The following NECTIN1 variants were observed in gnomAD, a reference collection of about 807,000 sequenced individuals.
The protein encoded by NECTIN1 is nectin cell adhesion molecule 1.
Under a neutral mutation model 48.0 loss-of-function variants are expected in NECTIN1, and 23 were observed. The ratio of observed to expected loss-of-function variants is 0.48; its 90% CI spans 0.34 to 0.68. The LOEUF is 0.68. NECTIN1 is among the 30% of genes least tolerant of loss of function. The pLI is 0.01. For missense variants in NECTIN1, 591 were observed against 709.9 expected, an observed-to-expected ratio of 0.83 and a Z score of 1.90; for synonymous variants, 270 against 288.9, an observed-to-expected ratio of 0.93 and a Z score of 0.66.
chr11:119,713,309 TC>T, intron 1 of NECTIN1, among the ~76,000 whole-genome samples: 1 of 152,070 alleles, frequency 6.6e-6, no homozygotes, highest in Admixed American at 6.5e-5. Flanking sequence ...TGTGGGGGCT[TC>T]TTTTCTGAGG....
At chr11:119,682,182 G>A (rs1001933924) in intron 1 of NECTIN1, among the ~76,000 whole-genome samples, 2 of 152,148 alleles carry the variant, frequency 1.3e-5, no homozygotes, top group Non-Finnish European at 2.9e-5. Context: ...GTTTTCAGAC[G>A]GGAGCAGAGT....
rs1161614898 is a variant in NECTIN1, at chr11:119,678,337, T to C, written c.430+78A>G. Reference sequence around the variant, plus strand: ...CACCCAAGGGGGATGTCTGGGGTCATTGAGGCATCCTGAGGATGGCCACGC... The same window carrying C: ...CACCCAAGGGGGATGTCTGGGGTCACTGAGGCATCCTGAGGATGGCCACGC... On this transcript the variant is annotated intron_variant, in intron 2 of 5. Transcript: ENST00000264025. The surrounding 1 kb of genome is among the most constrained non-coding windows in gnomAD (Gnocchi z 4.4). 12 of 1,332,312 alleles carry C rather than the reference T, an allele frequency of 9.0e-6. No homozygotes were observed. Among genetic ancestry groups the C allele is most frequent in the Admixed American group, 6.7e-5 (4 of 59,666 alleles). The allele number at this position is 1,332,312 out of a possible 1,614,324, so 82.5% of individuals were successfully genotyped here.
At position 119,673,288 on chromosome 11, in the gene NECTIN1, G is replaced by A. The variant is rs557138417; in HGVS notation, c.1003+1871C>T. Among the ~76,000 whole-genome samples the A allele has an allele frequency of 2.0e-5, 3 of 152,316 alleles. No individual in the cohort carries two copies. The East Asian group carries it at 5.8e-4, about 30-fold the overall frequency. ...AGGGGGCTGAGAGTCCCTTCCGAGA[G>A]AGGCCAGCCGCTCAGCGCCTGGGCC... On this transcript the variant is annotated intron_variant, in intron 5 of 5. Coordinates refer to ENST00000264025, the MANE Select transcript of NECTIN1 (RefSeq NM_002855.5). The surrounding 1 kb of genome is among the most constrained non-coding windows in gnomAD (Gnocchi z 5.8).
At chr11:119,688,119 C>T (rs73575004) in intron 1 of NECTIN1, among the ~76,000 whole-genome samples, 9,182 of 152,120 alleles carry the variant, frequency 0.06, 889 homozygotes, top group African/African-American at 0.21. Context: ...TGGTTGACTT[C>T]GAGAAAGGTG....
chr11:119,710,421 C>T (rs1865622743), intron 1 of NECTIN1, among the ~76,000 whole-genome samples: 2 of 32 alleles, frequency 0.062, no homozygotes, highest in Admixed American at 0.17. Flanking sequence ...GCTATAAACA[C>T]ACACACACAC....
intron 1 of NECTIN1, among the ~76,000 whole-genome samples, chr11:119,694,871 C>T (rs1226839386): frequency 6.6e-6 from 1 of 152,172 alleles, no homozygotes; most frequent in Non-Finnish European, 1.5e-5. Context: ...TCTCCAGCTG[C>T]TCCTTCAGCC....
chr11:119,649,797 C>T (rs147492735), intron 5 of NECTIN1, among the ~76,000 whole-genome samples: 3 of 152,328 alleles, frequency 2.0e-5, no homozygotes, highest in Non-Finnish European at 4.4e-5. Flanking sequence ...TATAATTGAT[C>T]ATCCAGCTGC....
downstream of NECTIN1, among the ~76,000 whole-genome samples, chr11:119,656,967 C>A (rs61030138): frequency 7.1e-3 from 1,079 of 152,240 alleles, 17 homozygotes; most frequent in East Asian, 0.056. Context: ...AGGGAACAAG[C>A]GCCTATAGGT....
chr11:119,675,426 A>G (rs1864930172), intron 4 of NECTIN1, 116 bp from the exon 5 acceptor site: 1 of 1,008,388 alleles, frequency 9.9e-7, no homozygotes, highest in South Asian at 1.3e-5. Flanking sequence ...TGTGTGGTAG[A>G]GTCTGTCTTT....
intron 1 of NECTIN1, among the ~76,000 whole-genome samples, chr11:119,698,353 C>A (rs575162347): frequency 6.6e-6 from 1 of 152,358 alleles, no homozygotes; most frequent in African/African-American, 2.4e-5. Context: ...ATTGTCTCTT[C>A]CCCTTCTTTC....
intron 1 of NECTIN1, among the ~76,000 whole-genome samples, chr11:119,703,293 C>T (rs953583623): frequency 6.6e-6 from 1 of 152,236 alleles, no homozygotes; most frequent in African/African-American, 2.4e-5. Flanking sequence ...CTCTGTGTCC[C>T]ACGTGCTGGA....
downstream of NECTIN1, among the ~76,000 whole-genome samples, chr11:119,659,533 G>A (rs952581406): frequency 6.6e-6 from 1 of 152,218 alleles, no homozygotes; most frequent in African/African-American, 2.4e-5. Context: ...GGCAGAAGGA[G>A]CCACAGCCTG....
At chr11:119,725,395 G>A (rs886374598) in intron 1 of NECTIN1, among the ~76,000 whole-genome samples, 5 of 152,158 alleles carry the variant, frequency 3.3e-5, no homozygotes, top group East Asian at 1.9e-4. Flanking sequence ...GATGCCTTCC[G>A]GGCCACTCAG....
At chr11:119,648,569 G>A (rs1290195531) in intron 5 of NECTIN1, among the ~76,000 whole-genome samples, 1 of 151,068 alleles carries the variant, frequency 6.6e-6, no homozygotes, top group Admixed American at 6.6e-5. Flanking sequence ...GCAGAGCAAC[G>A]GGCCTGAGAC....
chr11:119,655,904 T>A (rs935313098), intron 5 of NECTIN1, among the ~76,000 whole-genome samples: 1 of 152,138 alleles, frequency 6.6e-6, no homozygotes, highest in African/African-American at 2.4e-5. Context: ...TATTTTGATT[T>A]ATTTATTTTA....
chr11:119,713,433 T>C (rs946630508), intron 1 of NECTIN1, among the ~76,000 whole-genome samples: 1 of 152,078 alleles, frequency 6.6e-6, no homozygotes, highest in African/African-American at 2.4e-5. Flanking sequence ...TATTAACCAG[T>C]TTGACTCCTG....
rs563172504 is a variant in NECTIN1, at chr11:119,727,791, G to A, written c.79+684C>T. ...CTACTTGGATGGCAGGAAGCCCGCG[G>A]TGTCTCCTCCAGGGAGAGCCCCCAG... On this transcript the variant is annotated intron_variant, in intron 1 of 5. Transcript: ENST00000264025. This position sits in a 1 kb window ranked among gnomAD's most constrained non-coding sequence, Gnocchi z 4.1. Among the ~76,000 whole-genome samples the A allele has an allele frequency of 2.0e-4, 31 of 152,322 alleles. No individual in the cohort carries two copies. The highest frequency in any genetic ancestry group is 7.2e-4 in the African/African-American group (30 of 41,576).
At position 119,683,024 on chromosome 11, in the gene NECTIN1, C is replaced by T. The variant is rs1480533942; in HGVS notation, c.80-4259G>A. 2.6e-5 allele frequency among the ~76,000 whole-genome samples: 4 copies of T among 152,222 alleles called. No individual in the cohort carries two copies. The highest frequency in any genetic ancestry group is 9.7e-5 in the African/African-American group (4 of 41,450). The stretch of plus-strand genomic sequence containing the variant: ...AGCCTGTCTCCCAACCAATTGTAAG[C>T]CCCTGCAGGAGATGAAAGGAGCAGG... On this transcript the variant is annotated intron_variant, in intron 1 of 5. Transcript: ENST00000264025. This position sits in a 1 kb window ranked among gnomAD's most constrained non-coding sequence, Gnocchi z 4.0.
At chr11:119,681,821 CT>C (rs923052251) in intron 1 of NECTIN1, among the ~76,000 whole-genome samples, 34 of 152,146 alleles carry the variant, frequency 2.2e-4, no homozygotes, top group African/African-American at 8.0e-4. Flanking sequence ...CATTTTTGCC[CT>C]GGTGATGGGC....
Sources: allele counts gnomAD v4.1 joint callset (sites outside exome capture counted in the v4.1 genomes callset), GRCh38; gene constraint gnomAD v4.1.1; non-coding constraint Gnocchi (gnomAD v3.1); transcripts MANE v1.5; gene names NCBI Gene and HGNC (gene_info 2026-07-23, HGNC 2026-07-21).